BMP6: variants seen among roughly 807,000 people sequenced by gnomAD.
BMP6 encodes VG-1-R.
BMP6 carries 17 observed loss-of-function variants against 54.1 expected under a neutral mutation model. That is an observed-to-expected ratio of 0.31 (90% CI 0.22 to 0.47). The LOEUF (loss-of-function observed/expected upper bound fraction) is 0.47. Ranked by LOEUF, BMP6 falls within the 20% of genes least tolerant of loss-of-function variation. The pLI, the probability that BMP6 is intolerant of heterozygous loss-of-function variation, is 1.00. For missense variants in BMP6, 720 were observed against 690.4 expected, an observed-to-expected ratio of 1.04 and a Z score of -0.48; for synonymous variants, 328 against 291.2, an observed-to-expected ratio of 1.13 and a Z score of -1.28.
chr6:7,844,792 T>A (rs2113254270), intron 1 of BMP6, among the ~76,000 whole-genome samples: 1 of 152,334 alleles, frequency 6.6e-6, no homozygotes, highest in Middle Eastern at 3.4e-3. Context: ...TCATTAATTC[T>A]CACACCTTTT....
intron 4 of BMP6, among the ~76,000 whole-genome samples, chr6:7,873,976 A>G (rs567425218): frequency 1.8e-4 from 28 of 152,160 alleles, no homozygotes; most frequent in African/African-American, 6.5e-4. Flanking sequence ...TGGATGGGGA[A>G]AATCCCAGGC....
intron 1 of BMP6, among the ~76,000 whole-genome samples, chr6:7,737,369 T>A (rs1326822882): frequency 6.6e-6 from 1 of 151,634 alleles, no homozygotes; most frequent in Non-Finnish European, 1.5e-5. Context: ...AAGGGAAGAG[T>A]AAGAAAGCCA....
intron 1 of BMP6, among the ~76,000 whole-genome samples, chr6:7,813,572 G>A (rs1238636839): frequency 3.6e-5 from 5 of 139,350 alleles, no homozygotes; most frequent in African/African-American, 2.7e-5. Context: ...GAGCCCAGGA[G>A]TTCAAGGGTC....
intron 1 of BMP6, among the ~76,000 whole-genome samples, chr6:7,728,083 C>T (rs1346104024): frequency 6.6e-6 from 1 of 152,180 alleles, no homozygotes; most frequent in Non-Finnish European, 1.5e-5. Flanking sequence ...GCAGTTTTCC[C>T]ACCGAGACTT....
intron 2 of BMP6, among the ~76,000 whole-genome samples, chr6:7,852,833 G>C (rs560167526): frequency 6.6e-6 from 1 of 152,192 alleles, no homozygotes. Flanking sequence ...TGGAGTTCAA[G>C]GAGGCCAGGA....
chr6:7,799,550 T>C (rs1758238957), intron 1 of BMP6, among the ~76,000 whole-genome samples: 1 of 152,120 alleles, frequency 6.6e-6, no homozygotes, highest in South Asian at 2.1e-4. Context: ...ATGATGAAAT[T>C]AAGGTCTCTT....
chr6:7,852,542 G>A (rs529612926), intron 2 of BMP6, among the ~76,000 whole-genome samples: 41 of 152,296 alleles, frequency 2.7e-4, no homozygotes, highest in Middle Eastern at 3.4e-3. Context: ...GCACCACTGC[G>A]CTCTATGCTG....
chr6:7,827,841 C>T (rs1173336510), intron 1 of BMP6, among the ~76,000 whole-genome samples: 1 of 152,222 alleles, frequency 6.6e-6, no homozygotes, highest in Non-Finnish European at 1.5e-5. Context: ...GTCCATCATT[C>T]TCGTCATCTG....
At chr6:7,734,505 G>A (rs910774813) in intron 1 of BMP6, among the ~76,000 whole-genome samples, 5 of 152,212 alleles carry the variant, frequency 3.3e-5, no homozygotes, top group Admixed American at 3.3e-4. Context: ...GCACAACCCT[G>A]GAAGAGCCGA....
At chr6:7,852,444 G>T (rs1176311614) in intron 2 of BMP6, among the ~76,000 whole-genome samples, 1 of 152,250 alleles carries the variant, frequency 6.6e-6, no homozygotes, top group East Asian at 1.9e-4. Context: ...CAGGCTGGTG[G>T]CTCATGCCTT....
intron 1 of BMP6, among the ~76,000 whole-genome samples, chr6:7,760,040 C>CTGA (rs1757588214): frequency 6.8e-6 from 1 of 147,616 alleles, no homozygotes; most frequent in Non-Finnish European, 1.5e-5. Flanking sequence ...CAGAATTTCA[C>CTGA]ATCTTAATTT....
At chr6:7,796,958 A>G (rs920340069) in intron 1 of BMP6, among the ~76,000 whole-genome samples, 10 of 152,220 alleles carry the variant, frequency 6.6e-5, no homozygotes, top group African/African-American at 2.2e-4. Context: ...ACAGAACTCC[A>G]ATGCGTTGTT....
At chr6:7,836,130 G>A (rs9502653) in intron 1 of BMP6, among the ~76,000 whole-genome samples, 3,297 of 152,044 alleles carry the variant, frequency 0.022, 124 homozygotes, top group African/African-American at 0.073. Flanking sequence ...GAGCCACTGC[G>A]CCCGGCCTAT....
At position 7,726,821 on chromosome 6, in the gene BMP6, G is replaced by A. The variant is rs1044641001; in HGVS notation, c.-135G>A. 5 of 411,722 alleles carry A rather than the reference G, an allele frequency of 1.2e-5. No individual in the cohort carries two copies. The highest frequency in any genetic ancestry group is 1.1e-4 in the East Asian group (1 of 9,166). 25.5% of individuals were successfully genotyped at this position (411,722 alleles called of 1,614,324 possible). On this transcript the variant is annotated 5_prime_UTR_variant, in exon 1 of 7. Coordinates refer to ENST00000283147, the MANE Select transcript of BMP6 (RefSeq NM_001718.6). Reference sequence around the variant, plus strand: ...ACGACCATGAGAGATAAGGACTGAGGGCCAGGAAGGGGAAGCGAGCCCGCC... The same window carrying A: ...ACGACCATGAGAGATAAGGACTGAGAGCCAGGAAGGGGAAGCGAGCCCGCC...
intron 1 of BMP6, among the ~76,000 whole-genome samples, chr6:7,755,032 T>A (rs1171900386): frequency 1.3e-5 from 2 of 152,244 alleles, no homozygotes; most frequent in Non-Finnish European, 2.9e-5. Flanking sequence ...TTTCTAACCT[T>A]TTTAACTTTT....
chr6:7,754,177 G>A (rs1757472368), intron 1 of BMP6, among the ~76,000 whole-genome samples: 1 of 152,094 alleles, frequency 6.6e-6, no homozygotes, highest in Non-Finnish European at 1.5e-5. Flanking sequence ...CAGTGCAGTG[G>A]TGCAATCACA....
intron 1 of BMP6, among the ~76,000 whole-genome samples, chr6:7,802,803 T>G (rs1329121649): frequency 6.6e-6 from 1 of 152,218 alleles, no homozygotes; most frequent in Non-Finnish European, 1.5e-5. Context: ...GCAATTGCCT[T>G]CTTTCCAGAT....
At chr6:7,854,844 G>A (rs924076282) in intron 2 of BMP6, among the ~76,000 whole-genome samples, 5 of 152,138 alleles carry the variant, frequency 3.3e-5, no homozygotes, top group African/African-American at 9.7e-5. Context: ...GACAAACTCC[G>A]CACTTGATCA....
chr6:7,749,877 G>C (rs1483173236), intron 1 of BMP6, among the ~76,000 whole-genome samples: 1 of 152,218 alleles, frequency 6.6e-6, no homozygotes. Context: ...CTGGGACCAA[G>C]GAATCCGCAT....
Sources: allele counts gnomAD v4.1 joint callset (sites outside exome capture counted in the v4.1 genomes callset), GRCh38; gene constraint gnomAD v4.1.1; transcripts MANE v1.5; gene names NCBI Gene and HGNC (gene_info 2026-07-23, HGNC 2026-07-21).